Variants in VSIG2 observed in about 807,000 individuals in gnomAD.
The protein encoded by VSIG2 is V-set and immunoglobulin domain-containing protein 2.
A neutral mutation model predicts 29.4 loss-of-function variants in VSIG2; 30 were observed. The observed-to-expected ratio is 1.02, with a 90% CI of 0.76 to 1.38. The LOEUF is 1.38. VSIG2 is among the 40% of genes most tolerant of loss of function. The pLI, the probability that VSIG2 is intolerant of heterozygous loss-of-function variation, is 0.00. For synonymous variants in VSIG2, 178 were observed against 174.2 expected (o/e 1.02, Z -0.17); for missense variants, 421 against 400.8 (o/e 1.05, Z -0.43).
chr11:124,751,366 T>C, intron 2 of VSIG2, 57 bp downstream of exon 2: 1 of 1,600,904 alleles, frequency 6.2e-7, no homozygotes, highest in South Asian at 1.1e-5. Flanking sequence ...CATGCCCTCA[T>C]CCTGGGCTCC....
At chr11:124,750,300 G>C (rs1342920601) in intron 3 of VSIG2, among the ~76,000 whole-genome samples, 1 of 152,226 alleles carries the variant, frequency 6.6e-6, no homozygotes, top group Non-Finnish European at 1.5e-5. Flanking sequence ...AGTTTGGGGT[G>C]AGACAGAAGC....
intron 4 of VSIG2, 120 bp from the exon 5 acceptor site, chr11:124,748,883 A>G: frequency 7.0e-7 from 1 of 1,436,326 alleles, no homozygotes; most frequent in African/African-American, 1.4e-5. Flanking sequence ...ATTTTTTTTC[A>G]CTGGGGAGGA....
At chr11:124,750,001 C>A in intron 3 of VSIG2, 135 bp from the exon 4 acceptor site, 1 of 963,702 alleles carries the variant, frequency 1.0e-6, no homozygotes, top group Non-Finnish European at 1.4e-6. Context: ...GGTCCACACA[C>A]CACTGCATCC....
chr11:124,749,885 A>AACAAAAAACAAAC lies in VSIG2; in HGVS notation c.428-20_428-19insGTTTGTTTTTTGT, dbSNP rs1555108848. 7.8e-7 allele frequency: 1 copy of AACAAAAAACAAAC among 1,285,120 alleles called. No individual in the cohort carries two copies. Among genetic ancestry groups the AACAAAAAACAAAC allele is most frequent in the African/African-American group, 2.0e-5 (1 of 49,890 alleles). The allele number at this position is 1,285,120 out of a possible 1,614,324, so 79.6% of individuals were successfully genotyped here. A position where few individuals can be genotyped will look rare whatever the true frequency, so the allele number is the denominator to read the frequency against. ...GGGGGAACTGCAAAAAAAAAAAAAA[A>AACAAAAAACAAAC]AAAAAAAAAACAGAAAGTTCCTCAG... On this transcript the variant is annotated intron_variant, in intron 3 of 6. Transcript: ENST00000326621.
At position 124,752,250 on chromosome 11, in the gene VSIG2, G is replaced by C; in HGVS notation, c.-113C>G. 9.1e-7 allele frequency: 1 copy of C among 1,094,604 alleles called. No individual in the cohort carries two copies. The highest frequency in any genetic ancestry group is 1.3e-6 in the Non-Finnish European group (1 of 789,680). The allele number at this position is 1,094,604 out of a possible 1,614,324, so 67.8% of individuals were successfully genotyped here. A position where few individuals can be genotyped will look rare whatever the true frequency, so the allele number is the denominator to read the frequency against. On this transcript the variant is annotated 5_prime_UTR_variant, in exon 1 of 7. Transcript: ENST00000326621. ...GCAGCCGCCCGGGCTGGGCAGGAGC[G>C]AGACTGGTATCTCAGAGCAAACAGG...
At position 124,750,731 on chromosome 11, in the gene VSIG2, A is replaced by T; in HGVS notation, c.410T>A (p.Ile137Asn). 1 of 1,614,046 alleles carries T rather than the reference A, an allele frequency of 6.2e-7. No homozygotes were observed. Among genetic ancestry groups the T allele is most frequent in the South Asian group, 1.1e-5 (1 of 91,062 alleles). The change falls in exon 3 of 7, where the codon ATC becomes AAC. Residue 137 changes from isoleucine to asparagine, a missense_variant. Transcript: ENST00000326621. ...PDFYTNGLGL[I>N]NLTVLVPPSN... ...TGCCTTACCCAGCACAGTAAGGTTG[A>T]TTAGCCCCAACCCATTGGTGTAGAA...
At chr11:124,749,889 A>AAAAAAAAAAG in intron 3 of VSIG2, 23 bp from the exon 4 acceptor site, 1 of 1,530,068 alleles carries the variant, frequency 6.5e-7, no homozygotes, top group South Asian at 1.2e-5. Context: ...AAAAAAAAAA[A>AAAAAAAAAAG]AAAAAACAGA....
rs148492253 is a variant in VSIG2 at position 124,751,515 on chromosome 11, G to A, written c.127C>T (p.Leu43=). The A allele has an allele frequency of 1.2e-4, 190 of 1,612,572 alleles. No individual in the cohort carries two copies. Among genetic ancestry groups the A allele is most frequent in the Middle Eastern group, 3.3e-4 (2 of 6,080 alleles). The part of the protein sequence containing the change: ...LSTPLGKTAE[L]TCTYSTSVGD... ...ACCGACGTGCTGTAGGTGCAGGTCA[G>A]CTCGGCTGTCTTCCCCAGGGGCGTG... Residue 43 remains leucine, a synonymous_variant, in exon 2 of 7, where the codon CTG becomes TTG. Coordinates refer to ENST00000326621, the MANE Select transcript of VSIG2 (RefSeq NM_014312.5).
At chr11:124,751,343 C>T in intron 2 of VSIG2, 80 bp downstream of exon 2, 1 of 1,565,728 alleles carries the variant, frequency 6.4e-7, no homozygotes. Flanking sequence ...CCCCAAACTC[C>T]CCCTCCCGAC....
Position 124,748,389 on chromosome 11 carries a change from C to T in VSIG2, c.851+1G>A, listed in dbSNP as rs781542984. On this transcript the variant is annotated splice_donor_variant, in intron 6 of 6. Transcript: ENST00000326621. LOFTEE classifies it high-confidence loss of function. Reference sequence around the variant, plus strand: ...CGCCACCCCCCAGCCCTCCTGCTCACCGAAGGTCACTACCCCCATATGTCT... The same window carrying T: ...CGCCACCCCCCAGCCCTCCTGCTCATCGAAGGTCACTACCCCCATATGTCT... 3 of 1,607,306 alleles carry T rather than the reference C, an allele frequency of 1.9e-6. No individual in the cohort carries two copies. The Admixed American group carries it at 5.1e-5, about 27-fold the overall frequency.
At chr11:124,748,805 A>C (rs777452717) in intron 4 of VSIG2, 42 bp from the exon 5 acceptor site, 9 of 1,613,994 alleles carry the variant, frequency 5.6e-6, no homozygotes, top group Non-Finnish European at 7.6e-6. Context: ...CATTCAACTC[A>C]GTGAGCAGCT....
intron 1 of VSIG2, 60 bp from the exon 2 acceptor site, chr11:124,751,640 C>T: frequency 6.7e-7 from 1 of 1,492,492 alleles, no homozygotes. Context: ...GAGGGTCGGG[C>T]CCACCCCCGG....
chr11:124,748,551 C>G lies in VSIG2; in HGVS notation c.707-17G>C. ...GGGAGGGTTCTAAGGAGATACAGGACCCTCACTCAGAATTGCAGGCTTTCC... is the reference window on the plus strand; with the variant it reads ...GGGAGGGTTCTAAGGAGATACAGGAGCCTCACTCAGAATTGCAGGCTTTCC... On this transcript the variant is annotated splice_polypyrimidine_tract_variant and intron_variant, in intron 5 of 6. Coordinates refer to ENST00000326621, the MANE Select transcript of VSIG2 (RefSeq NM_014312.5). 1 of 1,612,084 alleles carries G rather than the reference C, an allele frequency of 6.2e-7. No homozygotes were observed. The highest frequency in any genetic ancestry group is 1.3e-5 in the African/African-American group (1 of 74,982).
intron 6 of VSIG2, among the ~76,000 whole-genome samples, chr11:124,747,894 T>A (rs1944032632): frequency 6.6e-6 from 1 of 152,258 alleles, no homozygotes; most frequent in Admixed American, 6.5e-5. Flanking sequence ...TCTGTCCAGG[T>A]AATCTGAGGA....
At chr11:124,751,857 C>G (rs1207840364) in intron 1 of VSIG2, among the ~76,000 whole-genome samples, 2 of 152,238 alleles carry the variant, frequency 1.3e-5, no homozygotes, top group Non-Finnish European at 2.9e-5. Context: ...CAGGCCTGTG[C>G]CGCGGAGAGG....
chr11:124,752,010 G>C, intron 1 of VSIG2, 67 bp downstream of exon 1: 1 of 1,475,206 alleles, frequency 6.8e-7, no homozygotes, highest in Non-Finnish European at 8.9e-7. Context: ...GAGTGGGTCC[G>C]AGGAGCCGGG....
rs1381617622 is a variant in VSIG2 at position 124,747,553 on chromosome 11, C to T, written c.966G>A (p.Lys322=). 6.2e-7 allele frequency: 1 copy of T among 1,612,944 alleles called. No homozygotes were observed. Among genetic ancestry groups the T allele is most frequent in the South Asian group, 1.1e-5 (1 of 90,878 alleles). The change falls in exon 7 of 7, where the codon AAG becomes AAA. Residue 322 remains lysine (K), a synonymous_variant. Transcript: ENST00000326621. ...SASTVTTTKS[K]LPMVV is the part of the protein sequence containing the mutation. Reference sequence around the variant, plus strand: ...GGAGAAGTCACACGACCATAGGGAGCTTGGACTTGGTGGTCGTCACGGTGC... The same window carrying T: ...GGAGAAGTCACACGACCATAGGGAGTTTGGACTTGGTGGTCGTCACGGTGC...
rs1944061260 is a variant in VSIG2 at position 124,749,869 on chromosome 11, GCAAAA to G, written c.428-8_428-4del. On this transcript the variant is annotated splice_polypyrimidine_tract_variant and splice_region_variant and intron_variant, in intron 3 of 6. Transcript: ENST00000326621. ...GCATAAGGGATTACTGGGGGGAACT[GCAAAA>G]AAAAAAAAAAAAAAAAAAAAACAGA... The G allele has an allele frequency of 1.8e-6, 1 of 559,090 alleles. No homozygotes were observed. The highest frequency in any genetic ancestry group is 6.7e-5 in the African/African-American group (1 of 14,976). The allele number at this position is 559,090 out of a possible 1,614,324, so 34.6% of individuals were successfully genotyped here. A position where few individuals can be genotyped will look rare whatever the true frequency, so the allele number is the denominator to read the frequency against.
chr11:124,750,760 T>G lies in VSIG2; in HGVS notation c.381A>C (p.Pro127=). 2 of 1,610,716 alleles carry G rather than the reference T, an allele frequency of 1.2e-6. No homozygotes were observed. Among genetic ancestry groups the G allele is most frequent in the Non-Finnish European group, 1.7e-6 (2 of 1,178,622 alleles). The change falls in exon 3 of 7, where the codon CCA becomes CCC. Residue 127 remains proline, a synonymous_variant. Coordinates refer to ENST00000326621, the MANE Select transcript of VSIG2 (RefSeq NM_014312.5). ...GCCCCAACCCATTGGTGTAGAAATC[T>G]GGTGGGTTGTTGACTTGGCAGAGGT... ...GTYLCQVNNP[P]DFYTNGLGLI...
Sources: allele counts gnomAD v4.1 joint callset (sites outside exome capture counted in the v4.1 genomes callset), GRCh38; gene constraint gnomAD v4.1.1; transcripts MANE v1.5; gene names NCBI Gene and HGNC (gene_info 2026-07-23, HGNC 2026-07-21).